PRKCI: variants seen among roughly 807,000 people sequenced by gnomAD.
PRKCI encodes the protein protein kinase C iota.
A neutral mutation model predicts 84.0 loss-of-function variants in PRKCI; 43 were observed. That is an observed-to-expected ratio of 0.51 (90% CI 0.40 to 0.66). The LOEUF (loss-of-function observed/expected upper bound fraction) is 0.66. PRKCI is among the 30% of genes least tolerant of loss of function. PRKCI has a pLI of 0.00. For missense variants in PRKCI, 459 were observed against 745.6 expected (o/e 0.62, Z 4.48); for synonymous variants, 216 against 234.4 (o/e 0.92, Z 0.72).
At chr3:170,277,804 GTTA>G (rs2108857492) in intron 8 of PRKCI, among the ~76,000 whole-genome samples, 1 of 152,104 alleles carries the variant, frequency 6.6e-6, no homozygotes, top group Admixed American at 6.5e-5. Flanking sequence ...GCCTTTGGGT[GTTA>G]TTATTATCAG....
intron 8 of PRKCI, among the ~76,000 whole-genome samples, chr3:170,278,015 T>G (rs1734159025): frequency 6.6e-6 from 1 of 152,204 alleles, no homozygotes; most frequent in African/African-American, 2.4e-5. Flanking sequence ...TCCACTCAGT[T>G]TTTCTTTGTC....
intron 6 of PRKCI, among the ~76,000 whole-genome samples, chr3:170,270,808 A>G (rs1733984229): frequency 1.3e-5 from 2 of 152,212 alleles, no homozygotes; most frequent in Admixed American, 6.5e-5. Context: ...CCTCTGGTCT[A>G]AATTAGGAAG....
chr3:170,258,454 C>T (rs1158402319), intron 2 of PRKCI, among the ~76,000 whole-genome samples: 2 of 151,906 alleles, frequency 1.3e-5, no homozygotes, highest in African/African-American at 2.4e-5. Context: ...TGCAGGCACA[C>T]ACCACTGTGC....
intron 2 of PRKCI, among the ~76,000 whole-genome samples, chr3:170,245,777 G>T (rs1479714213): frequency 6.6e-6 from 1 of 152,054 alleles, no homozygotes; most frequent in African/African-American, 2.4e-5. Flanking sequence ...GGATCTCACT[G>T]TGTTGCTCAG....
intron 4 of PRKCI, 76 bp from the exon 5 acceptor site, chr3:170,267,839 T>TTA: frequency 9.0e-7 from 1 of 1,116,828 alleles, no homozygotes. Context: ...CATGAAAAAA[T>TTA]TACAGACTTA....
intron 1 of PRKCI, among the ~76,000 whole-genome samples, chr3:170,224,567 A>G (rs937822798): frequency 2.0e-5 from 3 of 152,002 alleles, no homozygotes; most frequent in African/African-American, 4.8e-5. Flanking sequence ...TCTGTTACCC[A>G]TGCTGGAGTG....
In PRKCI at chr3:170,303,212, T is replaced by C. The variant is rs1734865604; in HGVS notation, c.*85T>C. 4.0e-6 allele frequency: 4 copies of C among 994,076 alleles called. No homozygotes were observed. Among genetic ancestry groups the C allele is most frequent in the Admixed American group, 2.5e-5 (1 of 39,744 alleles). The allele number at this position is 994,076 out of a possible 1,614,324, so 61.6% of individuals were successfully genotyped here. Reference sequence around the variant, plus strand: ...CTGCAAGCCTGGATACAATTAACCATTTTATATTTGCCACCTACAAAAAAA... The same window carrying C: ...CTGCAAGCCTGGATACAATTAACCACTTTATATTTGCCACCTACAAAAAAA... On this transcript the variant is annotated 3_prime_UTR_variant, in exon 18 of 18. Transcript: ENST00000295797.
intron 2 of PRKCI, among the ~76,000 whole-genome samples, chr3:170,239,979 G>T (rs1376519504): frequency 2.6e-5 from 4 of 152,038 alleles, no homozygotes; most frequent in Non-Finnish European, 5.9e-5. Context: ...GAGATAGTGA[G>T]ACCCTGTCCC....
Position 170,222,610 on chromosome 3 carries a change from G to A in PRKCI, c.-60G>A. The A allele has an allele frequency of 7.0e-7, 1 of 1,429,394 alleles. No individual in the cohort carries two copies. Among genetic ancestry groups the A allele is most frequent in the Non-Finnish European group, 9.4e-7 (1 of 1,063,680 alleles). 88.5% of individuals were successfully genotyped at this position (1,429,394 alleles called of 1,614,324 possible). A position where few individuals can be genotyped will look rare whatever the true frequency, so the allele number is the denominator to read the frequency against. The stretch of plus-strand genomic sequence containing the variant: ...AAGCGCAGGCGGCGGAGTCCCCCAC[G>A]GCGCCCGAAGCGCCCCCCCGCACCC... On this transcript the variant is annotated 5_prime_UTR_variant, in exon 1 of 18. Coordinates refer to ENST00000295797, the MANE Select transcript of PRKCI (RefSeq NM_002740.6).
At chr3:170,274,699 A>G (rs1014547657) in intron 7 of PRKCI, among the ~76,000 whole-genome samples, 2 of 152,000 alleles carry the variant, frequency 1.3e-5, no homozygotes, top group African/African-American at 2.4e-5. Context: ...AGAATGATCA[A>G]CTCTATGAAA....
At chr3:170,223,702 A>G (rs570577532) in intron 1 of PRKCI, among the ~76,000 whole-genome samples, 1 of 152,274 alleles carries the variant, frequency 6.6e-6, no homozygotes, top group South Asian at 2.1e-4. Flanking sequence ...CTGAGAAGTC[A>G]CAGAAAACCC....
chr3:170,257,980 G>C (rs888172494), intron 2 of PRKCI, among the ~76,000 whole-genome samples: 2 of 151,898 alleles, frequency 1.3e-5, no homozygotes, highest in African/African-American at 4.8e-5. Context: ...AGGTTTTTGA[G>C]AGGGAGACTC....
At chr3:170,257,739 G>A (rs1272705829) in intron 2 of PRKCI, among the ~76,000 whole-genome samples, 34 of 149,448 alleles carry the variant, frequency 2.3e-4, no homozygotes, top group Non-Finnish European at 8.9e-5. Context: ...ATCTCGGTTC[G>A]CTGCAACCTC....
intron 16 of PRKCI, among the ~76,000 whole-genome samples, chr3:170,297,622 T>C (rs754312135): frequency 8.6e-5 from 13 of 151,740 alleles, no homozygotes; most frequent in Non-Finnish European, 1.9e-4. Context: ...CAGCTAATTT[T>C]TGTATTTTTA....
chr3:170,299,237 T>G lies in PRKCI; in HGVS notation c.1703+127T>G, dbSNP rs528740115. 1.3e-4 allele frequency: 59 copies of G among 471,106 alleles called. No individual in the cohort carries two copies. In the East Asian group the frequency reaches 2.4e-3, roughly 19 times the overall value. 29.2% of individuals were successfully genotyped at this position (471,106 alleles called of 1,614,324 possible). ...TATTTTCTATTTTATTTCATTTTATTTTATTTTGAGATGGAGTCTCGCTCT... is the reference window on the plus strand; with the variant it reads ...TATTTTCTATTTTATTTCATTTTATGTTATTTTGAGATGGAGTCTCGCTCT... On this transcript the variant is annotated intron_variant, in intron 17 of 17. Coordinates refer to ENST00000295797, the MANE Select transcript of PRKCI (RefSeq NM_002740.6).
intron 1 of PRKCI, among the ~76,000 whole-genome samples, chr3:170,230,818 C>T (rs1227988223): frequency 2.6e-5 from 4 of 151,970 alleles, no homozygotes; most frequent in African/African-American, 7.3e-5. Flanking sequence ...CCACAATGTG[C>T]GTAGGTACTT....
At chr3:170,288,826 G>A (rs1734466802) in intron 12 of PRKCI, among the ~76,000 whole-genome samples, 2 of 152,150 alleles carry the variant, frequency 1.3e-5, no homozygotes, top group Admixed American at 1.3e-4. Context: ...AAGTTTGAAT[G>A]CTCTTTTATG....
chr3:170,297,373 C>T lies in PRKCI; in HGVS notation c.1567C>T (p.Arg523Ter), dbSNP rs866058843. 3 of 1,612,594 alleles carry T rather than the reference C, an allele frequency of 1.9e-6. No individual in the cohort carries two copies. The highest frequency in any genetic ancestry group is 1.3e-5 in the African/African-American group (1 of 74,992). ...TGATATTCAGGGACACCCGTTCTTC[C>T]GAAATGTTGATTGGGATATGGTATG... ...FADIQGHPFFRNVDWDMMEQK... is the reference protein window; with the variant it reads ...FADIQGHPFF The change falls in exon 16 of 18, where the codon CGA becomes TGA. Residue 523 changes from arginine to a stop codon, truncating the protein, a stop_gained. Transcript: ENST00000295797. LOFTEE classifies it high-confidence loss of function.
At chr3:170,237,630 A>G (rs1733013379) in intron 2 of PRKCI, among the ~76,000 whole-genome samples, 2 of 152,374 alleles carry the variant, frequency 1.3e-5, no homozygotes, top group East Asian at 1.9e-4. Flanking sequence ...AAGGAATGTC[A>G]TAATATTTAG....
Sources: gnomAD v4.1 joint callset for allele counts (sites outside exome capture counted in the v4.1 genomes callset) on GRCh38, gnomAD v4.1.1 for gene constraint, MANE v1.5 for transcripts, NCBI Gene and HGNC (gene_info 2026-07-23, HGNC 2026-07-21) for gene names.